PCDHA4: variants seen among roughly 807,000 people sequenced by gnomAD.
PCDHA4 encodes the protein protocadherin alpha 4, also known as protocadherin alpha-4.
PCDHA4 carries 49 observed loss-of-function variants against 61.4 expected under a neutral mutation model. The observed-to-expected ratio is 0.80, with a 90% CI of 0.63 to 1.01. The LOEUF (loss-of-function observed/expected upper bound fraction) is 1.01, where lower values mean the gene tolerates loss of function less well. Ranked by LOEUF, PCDHA4 falls within the 50% of genes least tolerant of loss-of-function variation. The pLI is 0.00. For synonymous variants in PCDHA4, 590 were observed against 550.3 expected, an observed-to-expected ratio of 1.07 and a Z score of -1.01; for missense variants, 1,254 against 1,235.8, an observed-to-expected ratio of 1.01 and a Z score of -0.22.
In PCDHA4 at chr5:140,853,250, T is replaced by C. The variant is rs187095987; in HGVS notation, c.2385+43678T>C. 492 of 976,066 alleles carry C rather than the reference T, an allele frequency of 5.0e-4. 28 individuals carry two copies. The African/African-American group carries it at 6.8e-3, about 14-fold the overall frequency. The allele number at this position is 976,066 out of a possible 1,614,324, so 60.5% of individuals were successfully genotyped here. On this transcript the variant is annotated intron_variant, in intron 1 of 3. Transcript: ENST00000530339. ...ATTTAGTCCTTCATATTAATCTCTA[T>C]TCTCTCTCAGAGTACAAGCTCTCAT... is the stretch of plus-strand genomic sequence containing the variant.
chr5:140,828,570 C>T, intron 1 of PCDHA4: 2 of 1,614,214 alleles, frequency 1.2e-6, no homozygotes, highest in Non-Finnish European at 1.7e-6. Flanking sequence ...GCGTCCGATG[C>T]AGATGTTGGC....
chr5:140,988,152 C>G (rs2153871090), intron 3 of PCDHA4, among the ~76,000 whole-genome samples: 1 of 152,258 alleles, frequency 6.6e-6, no homozygotes, highest in East Asian at 1.9e-4. Flanking sequence ...ACCTCAACTT[C>G]TGCCGTTGTC....
chr5:140,883,559 G>A (rs2059672435), intron 1 of PCDHA4: 5 of 1,614,074 alleles, frequency 3.1e-6, no homozygotes, highest in Non-Finnish European at 4.2e-6. Context: ...GCGGGACGGG[G>A]GCTCGCCTTC....
chr5:140,819,020 T>A (rs1766474811), intron 1 of PCDHA4, among the ~76,000 whole-genome samples: 1 of 152,246 alleles, frequency 6.6e-6, no homozygotes, highest in Non-Finnish European at 1.5e-5. Context: ...AATATGGATA[T>A]TTTAGCACAT....
intron 1 of PCDHA4, chr5:140,814,602 A>G (rs1361623602): frequency 6.6e-6 from 1 of 152,200 alleles, no homozygotes; most frequent in Non-Finnish European, 1.5e-5. Context: ...TGTATGTGCT[A>G]TCTTGTACTT....
intron 1 of PCDHA4, among the ~76,000 whole-genome samples, chr5:140,895,085 C>T (rs144485224): frequency 2.0e-5 from 3 of 152,298 alleles, no homozygotes; most frequent in Non-Finnish European, 4.4e-5. Flanking sequence ...AGTTCCTCCT[C>T]AGTATAGGGG....
At chr5:140,863,631 G>A (rs2048100597) in intron 1 of PCDHA4, 1 of 306,834 alleles carries the variant, frequency 3.3e-6, no homozygotes, top group Non-Finnish European at 6.4e-6. Flanking sequence ...CATTGATAAT[G>A]TTCACCAAGT....
chr5:140,990,369 C>T (rs2097390541), intron 3 of PCDHA4, among the ~76,000 whole-genome samples: 1 of 152,054 alleles, frequency 6.6e-6, no homozygotes, highest in South Asian at 2.1e-4. Flanking sequence ...TCTAATAAAG[C>T]AAATTTGTTG....
At chr5:140,999,400 A>G (rs1331954466) in intron 3 of PCDHA4, among the ~76,000 whole-genome samples, 2 of 152,150 alleles carry the variant, frequency 1.3e-5, no homozygotes, top group Admixed American at 6.5e-5. Flanking sequence ...TGTTTTGCAT[A>G]TGAAAGAATG....
chr5:140,835,777 A>G (rs2150244519), intron 1 of PCDHA4: 1 of 1,613,276 alleles, frequency 6.2e-7, no homozygotes, highest in Admixed American at 1.7e-5. Context: ...GTGTTCGTGA[A>G]GGAGAACAAC....
At chr5:140,962,947 A>T (rs2153733915) in intron 1 of PCDHA4, among the ~76,000 whole-genome samples, 2 of 152,320 alleles carry the variant, frequency 1.3e-5, no homozygotes, top group Admixed American at 1.3e-4. Context: ...TCCATAAGAT[A>T]TGCTCTATCC....
intron 1 of PCDHA4, chr5:140,884,448 CCACCGAGGGCGCGTGCGCGCCGGG>C (rs1244657512): frequency 1.9e-6 from 3 of 1,613,716 alleles, no homozygotes; most frequent in Non-Finnish European, 2.5e-6. Context: ...TCGGCACCGC[CCACCGAGGGCGCGTGCGCGCCGGG>C]CAAGCCCACT....
intron 1 of PCDHA4, among the ~76,000 whole-genome samples, chr5:140,873,079 TC>T (rs544069393): frequency 1.1e-4 from 17 of 152,076 alleles, no homozygotes; most frequent in Admixed American, 4.6e-4. Context: ...TCTAGCTATT[TC>T]CCCCCCGTAT....
In PCDHA4 at chr5:140,843,187, C is replaced by T. The variant is rs2150354856; in HGVS notation, c.2385+33615C>T. ...CTGCAAGCAGCCCTCGCATCCCGTT[C>T]CGCGTGGGGCTGTACACGGGCGAGA... is the stretch of plus-strand genomic sequence containing the variant. On this transcript the variant is annotated intron_variant, in intron 1 of 3. Transcript: ENST00000530339. 32 of 1,595,934 alleles carry T rather than the reference C, an allele frequency of 2.0e-5. 2 individuals carry two copies. The East Asian group carries it at 2.0e-4, about 10-fold the overall frequency.
intron 1 of PCDHA4, among the ~76,000 whole-genome samples, chr5:140,881,790 G>T (rs2058832674): frequency 6.6e-6 from 1 of 152,164 alleles, no homozygotes; most frequent in Non-Finnish European, 1.5e-5. Context: ...CCGATCAATT[G>T]TCCCAAAACG....
chr5:140,842,257 A>C, intron 1 of PCDHA4: 1 of 1,611,472 alleles, frequency 6.2e-7, no homozygotes, highest in African/African-American at 1.3e-5. Flanking sequence ...ATTTTGAACA[A>C]GAAAACTTAT....
chr5:140,866,363 C>T (rs550714417), intron 1 of PCDHA4: 20 of 152,216 alleles, frequency 1.3e-4, no homozygotes, highest in Non-Finnish European at 2.2e-4. Context: ...TACAATATTG[C>T]ATACTTCAAT....
intron 3 of PCDHA4, 42 bp from the exon 4 acceptor site, chr5:141,009,585 T>C: frequency 6.3e-7 from 1 of 1,592,908 alleles, no homozygotes; most frequent in Non-Finnish European, 8.6e-7. Flanking sequence ...ATCAAGAGCA[T>C]GTGTTGACCC....
chr5:140,878,252 C>T (rs1250494755), intron 1 of PCDHA4, among the ~76,000 whole-genome samples: 26 of 152,184 alleles, frequency 1.7e-4, no homozygotes, highest in African/African-American at 3.1e-4. Context: ...CTCTTCCTCA[C>T]GTGCTTAGGC....
Sources: allele counts gnomAD v4.1 joint callset (sites outside exome capture counted in the v4.1 genomes callset), GRCh38; gene constraint gnomAD v4.1.1; transcripts MANE v1.5; gene names NCBI Gene and HGNC (gene_info 2026-07-23, HGNC 2026-07-21).